Variants in RALGPS1 observed in about 807,000 individuals in gnomAD.
RALGPS1 encodes the protein Ral GEF with PH domain and SH3 binding motif 1, also known as ras-specific guanine nucleotide-releasing factor RalGPS1.
RALGPS1 carries 19 observed loss-of-function variants against 78.8 expected under a neutral mutation model. The ratio of observed to expected loss-of-function variants is 0.24; its 90% confidence interval spans 0.17 to 0.35. The LOEUF (loss-of-function observed/expected upper bound fraction) is 0.35. RALGPS1 is among the 10% of genes least tolerant of loss of function. The pLI is 1.00. For synonymous variants in RALGPS1, 228 were observed against 256.3 expected, an observed-to-expected ratio of 0.89 and a Z score of 1.06; for missense variants, 454 against 688.3, an observed-to-expected ratio of 0.66 and a Z score of 3.81.
chr9:126,977,814 G>A, intron 4 of RALGPS1, 69 bp downstream of exon 4: 1 of 1,161,620 alleles, frequency 8.6e-7, no homozygotes, highest in South Asian at 1.4e-5. Context: ...GCCAGCCACT[G>A]TTAGAGTGTC....
At chr9:127,016,171 A>G (rs1032672341) in intron 4 of RALGPS1, among the ~76,000 whole-genome samples, 3 of 151,970 alleles carry the variant, frequency 2.0e-5, no homozygotes, top group Non-Finnish European at 4.4e-5. Context: ...ATCCCTGTAC[A>G]ACAGTGCAGT....
chr9:127,138,551 T>C (rs961611472), intron 8 of RALGPS1, among the ~76,000 whole-genome samples: 3 of 151,782 alleles, frequency 2.0e-5, no homozygotes, highest in Non-Finnish European at 2.9e-5. Flanking sequence ...TTGGGCAAGC[T>C]CACAATTGCT....
intron 8 of RALGPS1, among the ~76,000 whole-genome samples, chr9:127,162,269 AAATG>A (rs2139472726): frequency 6.6e-6 from 1 of 152,316 alleles, no homozygotes; most frequent in African/African-American, 2.4e-5. Flanking sequence ...TGAAATACAC[AAATG>A]ATGCAAACAA....
chr9:127,095,267 A>G (rs1003494881), intron 8 of RALGPS1, among the ~76,000 whole-genome samples: 19 of 152,200 alleles, frequency 1.2e-4, no homozygotes, highest in African/African-American at 4.3e-4. Context: ...GTGTGGTGGC[A>G]CGCACCTGTG....
chr9:127,126,507 C>T (rs1294862246), intron 8 of RALGPS1, among the ~76,000 whole-genome samples: 1 of 152,220 alleles, frequency 6.6e-6, no homozygotes, highest in Non-Finnish European at 1.5e-5. Context: ...CCCATTTACA[C>T]ACTTGTTCTT....
chr9:127,004,584 T>C (rs919219550), intron 4 of RALGPS1, among the ~76,000 whole-genome samples: 1 of 152,250 alleles, frequency 6.6e-6, no homozygotes, highest in African/African-American at 2.4e-5. Flanking sequence ...TTATGTCTAC[T>C]GTTATGGTGT....
rs142783214 is a variant in RALGPS1, at chr9:127,091,875, G to C, written c.610+22519G>C. ...TCACCAGGAGTTTGTAGTTGCCTTG[G>C]TTCGTCAGCCAGTAAATGTTCTCCA... On this transcript the variant is annotated intron_variant, in intron 8 of 18. Coordinates refer to ENST00000259351, the MANE Select transcript of RALGPS1 (RefSeq NM_014636.3). This position sits in a 1 kb window ranked among gnomAD's most constrained non-coding sequence, Gnocchi z 4.3. 110 of 1,613,990 alleles carry C rather than the reference G, an allele frequency of 6.8e-5. No individual in the cohort carries two copies. Among genetic ancestry groups the C allele is most frequent in the Admixed American group, 1.7e-4 (10 of 60,004 alleles).
chr9:127,033,729 T>C (rs1013279929), intron 4 of RALGPS1, among the ~76,000 whole-genome samples: 58 of 152,218 alleles, frequency 3.8e-4, no homozygotes, highest in Admixed American at 3.8e-3. Context: ...TCCCATTAGA[T>C]TGCTCCTATT....
chr9:126,958,142 A>AAAATATATATATATATATATATATAT (rs113413659), intron 1 of RALGPS1, among the ~76,000 whole-genome samples: 2 of 77,106 alleles, frequency 2.6e-5, no homozygotes, highest in South Asian at 5.2e-4. Context: ...AAAAAAAAAA[A>AAAATATATATATATATATATATATAT]ATATATATAT....
intron 3 of RALGPS1, among the ~76,000 whole-genome samples, chr9:126,970,548 A>G (rs1165162879): frequency 6.6e-6 from 1 of 152,184 alleles, no homozygotes; most frequent in East Asian, 1.9e-4. Context: ...TACCTAAGAA[A>G]TTCAGTAGGG....
chr9:126,966,701 G>C (rs2039534750), intron 3 of RALGPS1, among the ~76,000 whole-genome samples: 1 of 151,294 alleles, frequency 6.6e-6, no homozygotes, highest in Non-Finnish European at 1.5e-5. Context: ...TTTTCTTTTT[G>C]TTTATGTATA....
chr9:127,171,397 T>C (rs918707515), intron 10 of RALGPS1, among the ~76,000 whole-genome samples: 8 of 152,092 alleles, frequency 5.3e-5, no homozygotes, highest in Admixed American at 2.0e-4. Context: ...AAAAAAATGC[T>C]GCTCTTTAAA....
intron 4 of RALGPS1, among the ~76,000 whole-genome samples, chr9:127,000,345 C>G (rs547184616): frequency 6.6e-6 from 1 of 152,162 alleles, no homozygotes; most frequent in South Asian, 2.1e-4. Flanking sequence ...AAATTTTCTT[C>G]TAAGTGCTGC....
chr9:127,172,823 C>T (rs984848351), intron 10 of RALGPS1, among the ~76,000 whole-genome samples: 2 of 151,896 alleles, frequency 1.3e-5, no homozygotes, highest in African/African-American at 4.8e-5. Context: ...GAGGGGATTT[C>T]GTCTGCTCCT....
chr9:127,119,553 A>G (rs2055826118), intron 8 of RALGPS1, among the ~76,000 whole-genome samples: 1 of 152,186 alleles, frequency 6.6e-6, no homozygotes, highest in Non-Finnish European at 1.5e-5. Context: ...TAGTTTTCCC[A>G]TCTGTAAAAT....
At chr9:126,952,980 A>G (rs931937247) in intron 1 of RALGPS1, among the ~76,000 whole-genome samples, 3 of 152,252 alleles carry the variant, frequency 2.0e-5, no homozygotes, top group Admixed American at 6.5e-5. Flanking sequence ...CTTTCTTGTA[A>G]TTGAGCATTC....
At chr9:127,197,978 G>A (rs1454226059) in intron 13 of RALGPS1, among the ~76,000 whole-genome samples, 1 of 152,200 alleles carries the variant, frequency 6.6e-6, no homozygotes, top group African/African-American at 2.4e-5. Context: ...CAGCTGGGCG[G>A]CAAAACAGCT....
chr9:127,209,299 C>T (rs1241320271), intron 14 of RALGPS1, among the ~76,000 whole-genome samples: 4 of 152,232 alleles, frequency 2.6e-5, no homozygotes, highest in East Asian at 1.9e-4. Context: ...CACTCACTTG[C>T]GAGGTGCCCA....
intron 8 of RALGPS1, among the ~76,000 whole-genome samples, chr9:127,127,993 T>C (rs1315625372): frequency 6.6e-6 from 1 of 152,130 alleles, no homozygotes; most frequent in Non-Finnish European, 1.5e-5. Context: ...GTCATTTACA[T>C]TAGGTATTTC....
Sources: gnomAD v4.1 joint callset for allele counts (sites outside exome capture counted in the v4.1 genomes callset) on GRCh38, gnomAD v4.1.1 for gene constraint, Gnocchi (gnomAD v3.1) non-coding constraint, MANE v1.5 for transcripts, NCBI Gene and HGNC (gene_info 2026-07-23, HGNC 2026-07-21) for gene names.